NOTCH2: variants seen among roughly 807,000 people sequenced by gnomAD.
The protein encoded by NOTCH2 is notch receptor 2.
A neutral mutation model predicts 235.8 loss-of-function variants in NOTCH2; 29 were observed. The ratio of observed to expected loss-of-function variants is 0.12; its 90% CI spans 0.09 to 0.17. NOTCH2 has a LOEUF of 0.17. Ranked by LOEUF, NOTCH2 falls within the 10% of genes least tolerant of loss-of-function variation. NOTCH2 has a pLI of 1.00. For synonymous variants in NOTCH2, 1,086 were observed against 1,141.5 expected (o/e 0.95, Z 0.98); for missense variants, 2,285 against 3,150.2 (o/e 0.73, Z 6.57).
In NOTCH2 at chr1:119,911,837, G is replaced by A. The variant is rs1438814527; in HGVS notation, c.*3469C>T. 2 of 233,152 alleles carry A rather than the reference G, an allele frequency of 8.6e-6. No homozygotes were observed. Among genetic ancestry groups the A allele is most frequent in the African/African-American group, 4.4e-5 (2 of 45,358 alleles). The allele number at this position is 233,152 out of a possible 1,614,324, so 14.4% of individuals were successfully genotyped here. ...CACCAGCTATGGCTAGTGCACAGAA[G>A]AGTGCTCAGTTTTGTGATGTTTCCT... On this transcript the variant is annotated 3_prime_UTR_variant, in exon 34 of 34. Coordinates refer to ENST00000256646, the MANE Select transcript of NOTCH2 (RefSeq NM_024408.4).
intron 15 of NOTCH2, among the ~76,000 whole-genome samples, chr1:119,949,548 G>A (rs1230082123): frequency 4.6e-5 from 7 of 151,760 alleles, no homozygotes; most frequent in African/African-American, 9.7e-5. Flanking sequence ...CACGACGCCC[G>A]GCTAATTTTT....
rs782293649 is a variant in NOTCH2, at chr1:119,941,717, C to T, written c.2790G>A (p.Val930=). 4 of 1,614,008 alleles carry T rather than the reference C, an allele frequency of 2.5e-6. No individual in the cohort carries two copies. Among genetic ancestry groups the T allele is most frequent in the East Asian group, 4.5e-5 (2 of 44,904 alleles). Residue 930 remains valine, a synonymous_variant, in exon 18 of 34, where the codon GTG becomes GTA. Coordinates refer to ENST00000256646, the MANE Select transcript of NOTCH2 (RefSeq NM_024408.4). The stretch of plus-strand genomic sequence containing the variant: ...GAAGGCAGAGGCAGGAGAAAGTATT[C>T]ACTCCATCCATACAGGAACCTCCAT... The part of the protein sequence containing the change: ...CQNGGSCMDG[V]NTFSCLCLPG...
chr1:119,917,347 A>C (rs1649115508), intron 33 of NOTCH2, among the ~76,000 whole-genome samples: 1 of 152,192 alleles, frequency 6.6e-6, no homozygotes, highest in South Asian at 2.1e-4. Flanking sequence ...AAAAAGAAAG[A>C]AAACGAGAAA....
At chr1:119,944,458 C>G (rs1650181222) in intron 17 of NOTCH2, among the ~76,000 whole-genome samples, 1 of 151,338 alleles carries the variant, frequency 6.6e-6, no homozygotes, top group South Asian at 2.1e-4. Flanking sequence ...TGGCGCAAAC[C>G]CAGGAGGCGG....
intron 4 of NOTCH2, chr1:119,995,793 T>C (rs3010122): frequency 3.3e-5 from 5 of 152,226 alleles, no homozygotes; most frequent in East Asian, 1.9e-4. Context: ...TCCAAATACA[T>C]AGCATGGTGC....
chr1:119,972,698 T>C (rs1553200520), intron 5 of NOTCH2, among the ~76,000 whole-genome samples: 1 of 152,188 alleles, frequency 6.6e-6, no homozygotes, highest in Admixed American at 6.5e-5. Context: ...TGGGCTCCCA[T>C]AAAAATTGTC....
chr1:119,933,904 T>C (rs1341033879), intron 22 of NOTCH2, among the ~76,000 whole-genome samples: 1 of 152,234 alleles, frequency 6.6e-6, no homozygotes, highest in Non-Finnish European at 1.5e-5. Flanking sequence ...TAGTGATATG[T>C]GTTGCTTCCA....
chr1:119,921,495 AAAGAGTTATTCTTG>A (rs1371222384), intron 29 of NOTCH2, among the ~76,000 whole-genome samples: 3 of 152,196 alleles, frequency 2.0e-5, no homozygotes, highest in Non-Finnish European at 4.4e-5. Context: ...TAGTATTTTT[AAAGAGTTATTCTTG>A]AAGAGCATAT....
intron 17 of NOTCH2, 36 bp downstream of exon 17, chr1:119,948,378 T>A: frequency 6.2e-7 from 1 of 1,613,070 alleles, no homozygotes; most frequent in Non-Finnish European, 8.5e-7. Context: ...TGTTTTCCTC[T>A]CCTCTGGGGG....
chr1:119,939,049 A>G (rs1397511875), intron 19 of NOTCH2, among the ~76,000 whole-genome samples: 1 of 152,180 alleles, frequency 6.6e-6, no homozygotes, highest in Non-Finnish European at 1.5e-5. Flanking sequence ...ATTCTGGCAC[A>G]ATGGGACAAT....
chr1:119,915,217 T>G lies in NOTCH2; in HGVS notation c.*89A>C. ...ACCTCTAGAAGCTGGCTCCAGAGAT[T>G]TCTTCATTTCTCTCCCGGATGACCT... On this transcript the variant is annotated 3_prime_UTR_variant, in exon 34 of 34. Transcript: ENST00000256646. 2.2e-6 allele frequency: 3 copies of G among 1,338,822 alleles called. No individual in the cohort carries two copies. Among genetic ancestry groups the G allele is most frequent in the South Asian group, 1.2e-5 (1 of 85,080 alleles). The allele number at this position is 1,338,822 out of a possible 1,614,324, so 82.9% of individuals were successfully genotyped here.
intron 23 of NOTCH2, among the ~76,000 whole-genome samples, chr1:119,927,189 G>T (rs1289278637): frequency 6.6e-6 from 1 of 152,112 alleles, no homozygotes; most frequent in African/African-American, 2.4e-5. Flanking sequence ...AGGCCCCTGG[G>T]GGCCACTGCT....
intron 33 of NOTCH2, among the ~76,000 whole-genome samples, chr1:119,917,206 G>A (rs184334776): frequency 2.3e-3 from 346 of 151,882 alleles, no homozygotes; most frequent in Middle Eastern, 0.01. Flanking sequence ...AAAGGACTAA[G>A]ATAAGGAAAA....
intron 32 of NOTCH2, 111 bp from the exon 33 acceptor site, chr1:119,917,873 T>G (rs587597084): frequency 1.0e-5 from 8 of 766,458 alleles, no homozygotes; most frequent in South Asian, 9.8e-5. Context: ...GAAGCAGTTC[T>G]CTGTAGGGGT....
rs375927260 is a variant in NOTCH2 at position 119,963,562 on chromosome 1, G to A, written c.1915+12C>T. 171 of 1,605,364 alleles carry A rather than the reference G, an allele frequency of 1.1e-4. No homozygotes were observed. Among genetic ancestry groups the A allele is most frequent in the Non-Finnish European group, 1.4e-4 (169 of 1,172,112 alleles). Reference sequence around the variant, plus strand: ...GAAAACCCCATACCAAACATAAACAGAGTGGGCTTACCTGACGTGCCTGGC... The same window carrying A: ...GAAAACCCCATACCAAACATAAACAAAGTGGGCTTACCTGACGTGCCTGGC... On this transcript the variant is annotated intron_variant, in intron 11 of 33. Transcript: ENST00000256646.
intron 13 of NOTCH2, 124 bp from the exon 14 acceptor site, chr1:119,953,812 C>T: frequency 3.6e-6 from 3 of 823,984 alleles, no homozygotes; most frequent in South Asian, 1.4e-5. Flanking sequence ...ATGGAACTAT[C>T]CTTGCATCAC....
In NOTCH2 at chr1:119,925,482, C is replaced by A. The variant is rs2101162138; in HGVS notation, c.4334G>T (p.Ser1445Ile). 1.2e-6 allele frequency: 2 copies of A among 1,614,204 alleles called. No individual in the cohort carries two copies. Among genetic ancestry groups the A allele is most frequent in the Non-Finnish European group, 1.7e-6 (2 of 1,180,034 alleles). The change falls in exon 25 of 34, where the codon AGC (serine) becomes ATC (isoleucine). Residue 1445 changes from serine to isoleucine, a missense_variant. This residue lies in a region of NOTCH2 where 1,173 missense variants were observed against 1,515.3 expected (regional missense o/e 0.77). Coordinates refer to ENST00000256646, the MANE Select transcript of NOTCH2 (RefSeq NM_024408.4). ...ACCCCCATCCCACTGGCAGGCATGG[C>A]TGTTGCAGGCCTCATCACAGACGCC... is the stretch of plus-strand genomic sequence containing the variant. ...RDGVCDEACN[S>I]HACQWDGGDC...
At chr1:119,958,167 T>C (rs1267922489) in intron 12 of NOTCH2, among the ~76,000 whole-genome samples, 1 of 152,188 alleles carries the variant, frequency 6.6e-6, no homozygotes, top group Non-Finnish European at 1.5e-5. Flanking sequence ...GTGTATTCAC[T>C]CGACTGCCAC....
At chr1:119,918,597 G>A (rs1649167589) in intron 31 of NOTCH2, 44 bp from the exon 32 acceptor site, 2 of 1,603,064 alleles carry the variant, frequency 1.2e-6, no homozygotes, top group Non-Finnish European at 8.5e-7. Context: ...CCTGGATGAA[G>A]GAAAATAATG....
Sources: allele counts gnomAD v4.1 joint callset (sites outside exome capture counted in the v4.1 genomes callset), GRCh38; gene constraint gnomAD v4.1.1; regional missense constraint gnomAD v4.1.1; transcripts MANE v1.5; gene names NCBI Gene and HGNC (gene_info 2026-07-23, HGNC 2026-07-21).